DGKZ: variants seen among roughly 807,000 people sequenced by gnomAD.
DGKZ encodes the protein DAG kinase zeta.
DGKZ carries 45 observed loss-of-function variants against 142.5 expected under a neutral mutation model. The ratio of observed to expected loss-of-function variants is 0.32; its 90% CI spans 0.25 to 0.40. DGKZ has a LOEUF of 0.40. Among genes scored for constraint, DGKZ ranks in the 10% least tolerant of loss-of-function variants. The pLI, the probability that DGKZ is intolerant of heterozygous loss-of-function variation, is 1.00. For synonymous variants in DGKZ, 442 were observed against 527.0 expected (o/e 0.84, Z 2.21); for missense variants, 755 against 1,306.5 (o/e 0.58, Z 6.51).
At chr11:46,364,566 AG>A in intron 1 of DGKZ, 3 of 985,420 alleles carry the variant, frequency 3.0e-6, no homozygotes, top group Non-Finnish European at 3.6e-6. Context: ...GCAGAGACCA[AG>A]AGCTGAGCTG....
intron 9 of DGKZ, 108 bp downstream of exon 9, chr11:46,371,883 G>T: frequency 7.2e-7 from 1 of 1,392,954 alleles, no homozygotes; most frequent in African/African-American, 1.4e-5. Flanking sequence ...GTGGGGGTCT[G>T]TGTGGGCTCT....
At chr11:46,363,914 G>A (rs749727810) in intron 1 of DGKZ, among the ~76,000 whole-genome samples, 35 of 152,206 alleles carry the variant, frequency 2.3e-4, no homozygotes, top group Non-Finnish European at 4.3e-4. Context: ...GGTCCCGAAT[G>A]CCGCTGACTG....
chr11:46,347,288 C>G (rs1940733136), upstream of DGKZ: 12 of 983,644 alleles, frequency 1.2e-5, no homozygotes, highest in South Asian at 5.6e-4. The surrounding 1 kb of genome is among the most constrained non-coding windows in gnomAD (Gnocchi z 6.4). Flanking sequence ...GGGCTTTCTG[C>G]TGCCCCGCCC....
Position 46,366,214 on chromosome 11 carries a change from C to G in DGKZ, c.162-1077C>G, listed in dbSNP as rs370631259. The stretch of plus-strand genomic sequence containing the variant: ...GGACAGACCGTGGCCTGATCCAGCT[C>G]CTGATGCTCCCGGTCTCTGTGCCCA... On this transcript the variant is annotated intron_variant, in intron 1 of 30. Transcript: ENST00000527911. 4.2e-5 allele frequency: 64 copies of G among 1,524,758 alleles called. No individual in the cohort carries two copies. In the African/African-American group the frequency reaches 8.3e-4, roughly 20 times the overall value. The allele number at this position is 1,524,758 out of a possible 1,614,324, so 94.5% of individuals were successfully genotyped here.
chr11:46,371,540 G>T (rs150065256), exon 8 of DGKZ: 1 of 1,610,534 alleles, frequency 6.2e-7, no homozygotes, highest in Admixed American at 1.7e-5. Context: ...AGCCGTGCTC[G>T]CTGGGGGTCC....
At chr11:46,371,276 G>A (rs750486053) in intron 6 of DGKZ, 37 bp from the exon 7 acceptor site, 15 of 1,602,516 alleles carry the variant, frequency 9.4e-6, no homozygotes, top group Admixed American at 3.4e-5. Flanking sequence ...GCTGCTCCAC[G>A]CCTGCCCTGG....
Position 46,379,244 on chromosome 11 carries a change from T to A in DGKZ, c.2573+8T>A. The A allele has an allele frequency of 6.2e-7, 1 of 1,603,644 alleles. No individual in the cohort carries two copies. The highest frequency in any genetic ancestry group is 8.5e-7 in the Non-Finnish European group (1 of 1,171,014). ...TGATGCGGTGGAGGAAAAGTAAGTA[T>A]CTGGGCAGTGCAGAACCGTGGTCAC... On this transcript the variant is annotated splice_region_variant and intron_variant, in intron 29 of 30. Transcript: ENST00000527911.
At chr11:46,345,264 G>C (rs757749047), upstream of DGKZ, 4 of 1,357,546 alleles carry the variant, frequency 2.9e-6, no homozygotes, top group Non-Finnish European at 1.9e-6. This position sits in a 1 kb window ranked among gnomAD's most constrained non-coding sequence, Gnocchi z 4.1. Context: ...AGCTCTTCAC[G>C]GCAGCTGGCC....
chr11:46,376,990 G>T, intron 24 of DGKZ, 83 bp from the exon 25 acceptor site: 1 of 1,268,848 alleles, frequency 7.9e-7, no homozygotes, highest in Middle Eastern at 2.6e-4. Flanking sequence ...CATGGCAGAG[G>T]CTTCTCCAGG....
Position 46,372,874 on chromosome 11 carries a change from A to G in DGKZ, c.1175A>G (p.Asn392Ser), listed in dbSNP as rs758372634. 8 of 1,585,000 alleles carry G rather than the reference A, an allele frequency of 5.0e-6. No homozygotes were observed. In the East Asian group the frequency reaches 6.9e-5, roughly 14 times the overall value. ...GGCAACGACTTGGCCCGAACCCTCA[A>G]CTGGGGTGGGGTAAGCACCCATAGG... Residue 392 changes from asparagine to serine, a missense_variant, in exon 13 of 31, where the codon AAC (asparagine) becomes AGC (serine). By Grantham distance (46) the Asn-to-Ser change is conservative. Transcript: ENST00000527911. The surrounding 1 kb of genome is among the most constrained non-coding windows in gnomAD (Gnocchi z 5.9).
intron 1 of DGKZ, among the ~76,000 whole-genome samples, chr11:46,350,567 G>A (rs1381232438): frequency 6.6e-6 from 1 of 151,986 alleles, no homozygotes; most frequent in African/African-American, 2.4e-5. Context: ...AAGATCAAGG[G>A]TAACAACTAG....
chr11:46,363,140 G>A (rs925668329), intron 1 of DGKZ, among the ~76,000 whole-genome samples: 5 of 152,224 alleles, frequency 3.3e-5, no homozygotes, highest in Middle Eastern at 3.2e-3. Flanking sequence ...GCAGAGCTGC[G>A]CTATGGGAGA....
Position 46,367,982 on chromosome 11 carries a change from C to G in DGKZ, c.367-20C>G, listed in dbSNP as rs368316403. ...TAGACTTACCTGGTGCCTCAGGGGC[C>G]CTCTCTTCCTGTCCTGCAGCAGAAG... On this transcript the variant is annotated intron_variant, in intron 3 of 30. Coordinates refer to ENST00000527911, the Ensembl canonical transcript of DGKZ. This position sits in a 1 kb window ranked among gnomAD's most constrained non-coding sequence, Gnocchi z 4.1. 14 of 1,613,484 alleles carry G rather than the reference C, an allele frequency of 8.7e-6. No homozygotes were observed. Among genetic ancestry groups the G allele is most frequent in the Non-Finnish European group, 1.2e-5 (14 of 1,179,810 alleles).
At chr11:46,376,528 C>G (rs1407770797) in exon 24 of DGKZ, 13 of 1,613,704 alleles carry the variant, frequency 8.1e-6, no homozygotes, top group African/African-American at 2.7e-5. Flanking sequence ...CCACAGCCAC[C>G]ACTGCCAGCC....
intron 1 of DGKZ, among the ~76,000 whole-genome samples, chr11:46,350,551 G>A (rs564381718): frequency 6.0e-5 from 8 of 133,558 alleles, no homozygotes; most frequent in Admixed American, 5.3e-4. Context: ...TGAGGGGCCC[G>A]ACGGGAAGAT....
chr11:46,337,013 C>T (rs1940048437), intron 1 of DGKZ, among the ~76,000 whole-genome samples: 1 of 152,030 alleles, frequency 6.6e-6, no homozygotes, highest in African/African-American at 2.4e-5. Flanking sequence ...AGAGTGAGAT[C>T]CTGTCTCTAA....
At chr11:46,362,540 T>A (rs1214474975) in intron 1 of DGKZ, among the ~76,000 whole-genome samples, 1 of 152,014 alleles carries the variant, frequency 6.6e-6, no homozygotes, top group Non-Finnish European at 1.5e-5. Flanking sequence ...GTCTGCCAGG[T>A]ATCACCAGGC....
At chr11:46,353,440 C>T (rs1203522710) in intron 1 of DGKZ, among the ~76,000 whole-genome samples, 1 of 152,180 alleles carries the variant, frequency 6.6e-6, no homozygotes, top group African/African-American at 2.4e-5. Flanking sequence ...CCTGGACCCC[C>T]AAGGGAGAAT....
exon 20 of DGKZ, chr11:46,375,627 A>G (rs778878100): frequency 2.0e-5 from 32 of 1,562,658 alleles, no homozygotes; most frequent in Non-Finnish European, 2.7e-5. Flanking sequence ...CCCCCTGCAC[A>G]GCGAGTACGT....
Sources: allele counts gnomAD v4.1 joint callset (sites outside exome capture counted in the v4.1 genomes callset), GRCh38; gene constraint gnomAD v4.1.1; non-coding constraint Gnocchi (gnomAD v3.1); transcripts MANE v1.5; gene names NCBI Gene and HGNC (gene_info 2026-07-23, HGNC 2026-07-21).